Variants in WASL observed in about 807,000 individuals in gnomAD.
WASL encodes the protein actin nucleation-promoting factor WASL.
WASL carries 20 observed loss-of-function variants against 55.5 expected under a neutral mutation model. The ratio of observed to expected loss-of-function variants is 0.36; its 90% CI spans 0.25 to 0.52. The LOEUF (loss-of-function observed/expected upper bound fraction) is 0.52, where lower values mean the gene tolerates loss of function less well. WASL is among the 20% of genes least tolerant of loss of function. The pLI is 0.92. For missense variants in WASL, 504 were observed against 622.5 expected, an observed-to-expected ratio of 0.81 and a Z score of 2.03; for synonymous variants, 249 against 217.6, an observed-to-expected ratio of 1.14 and a Z score of -1.27.
At chr7:123,715,488 C>G (rs1185288231) in intron 1 of WASL, among the ~76,000 whole-genome samples, 1 of 152,162 alleles carries the variant, frequency 6.6e-6, no homozygotes. Context: ...CAACAGATAA[C>G]AGATGTAGGG....
chr7:123,743,759 T>C (rs1233041946), intron 1 of WASL, among the ~76,000 whole-genome samples: 5 of 152,188 alleles, frequency 3.3e-5, no homozygotes, highest in Admixed American at 3.3e-4. Context: ...CTCTTTGAAA[T>C]CCTTGACTAA....
chr7:123,691,603 C>CATACT lies in WASL; in HGVS notation c.1347+739_1347+743dup, dbSNP rs369072690. Among the ~76,000 whole-genome samples the CATACT allele has an allele frequency of 6.3e-3, 958 of 152,236 alleles. 9 individuals carry two copies. The highest frequency in any genetic ancestry group is 0.021 in the African/African-American group (887 of 41,536). ...GCAGAGCTGAGTGGTCACAAGAGGC[C>CATACT]ATACTGCCTATATAAGCCCAAGGTT... On this transcript the variant is annotated intron_variant, in intron 9 of 10. Transcript: ENST00000223023.
At chr7:123,717,441 A>C (rs758542348) in intron 1 of WASL, among the ~76,000 whole-genome samples, 10 of 152,188 alleles carry the variant, frequency 6.6e-5, no homozygotes, top group Admixed American at 1.3e-4. Flanking sequence ...TCAAGAATGC[A>C]CTATCTCTGT....
rs1159999120 is a variant in WASL, at chr7:123,684,441, A to C, written c.*78T>G. 3 of 485,994 alleles carry C rather than the reference A, an allele frequency of 6.2e-6. No homozygotes were observed. The highest frequency in any genetic ancestry group is 6.1e-5 in the African/African-American group (3 of 49,380). 30.1% of individuals were successfully genotyped at this position (485,994 alleles called of 1,614,324 possible). A position where few individuals can be genotyped will look rare whatever the true frequency, so the allele number is the denominator to read the frequency against. On this transcript the variant is annotated 3_prime_UTR_variant, in exon 11 of 11. Transcript: ENST00000223023. Reference sequence around the variant, plus strand: ...CAAATTGGTAGAACATTTACATGATAATTTTACAGAATCCACAGACAGAAA... The same window carrying C: ...CAAATTGGTAGAACATTTACATGATCATTTTACAGAATCCACAGACAGAAA...
chr7:123,710,178 C>A (rs773921535), intron 1 of WASL, among the ~76,000 whole-genome samples: 2 of 152,010 alleles, frequency 1.3e-5, no homozygotes, highest in Non-Finnish European at 2.9e-5. Context: ...AAAGCACTTA[C>A]AAATCCTCTG....
At chr7:123,717,534 G>A (rs1340884109) in intron 1 of WASL, among the ~76,000 whole-genome samples, 1 of 152,178 alleles carries the variant, frequency 6.6e-6, no homozygotes, top group East Asian at 1.9e-4. Flanking sequence ...CCAAGGATTT[G>A]CATGAGTGTT....
chr7:123,725,662 A>G (rs1457997176), intron 1 of WASL, among the ~76,000 whole-genome samples: 1 of 152,194 alleles, frequency 6.6e-6, no homozygotes, highest in Non-Finnish European at 1.5e-5. Context: ...CCTAGAAGGA[A>G]CTAAGTTCAT....
intron 1 of WASL, among the ~76,000 whole-genome samples, chr7:123,723,317 C>A (rs1348277170): frequency 6.6e-6 from 1 of 152,024 alleles, no homozygotes; most frequent in Non-Finnish European, 1.5e-5. Flanking sequence ...CTGAAAAAAG[C>A]CCAGGCTTCC....
intron 1 of WASL, among the ~76,000 whole-genome samples, chr7:123,744,466 T>C (rs1275136194): frequency 2.0e-5 from 3 of 152,062 alleles, no homozygotes; most frequent in Admixed American, 6.5e-5. Context: ...GAATTATATA[T>C]AGTGAGGAAA....
At chr7:123,709,308 C>G in intron 1 of WASL, 85 bp from the exon 2 acceptor site, 2 of 1,132,834 alleles carry the variant, frequency 1.8e-6, no homozygotes, top group African/African-American at 3.2e-5. Context: ...ACCGCAACCA[C>G]CCAGCTAAGC....
chr7:123,709,178 A>G lies in WASL; in HGVS notation c.163T>C (p.Cys55Arg). 6.2e-7 allele frequency: 1 copy of G among 1,612,678 alleles called. No homozygotes were observed. Among genetic ancestry groups the G allele is most frequent in the Non-Finnish European group, 8.5e-7 (1 of 1,179,084 alleles). The stretch of plus-strand genomic sequence containing the variant: ...CCACTGCACTTCTTTGACCACATAC[A>G]GTTCCGATCTGCTGCATATAACTGC... ...VVQLYAADRNCMWSKKCSGVA... is the reference protein window; with the variant it reads ...VVQLYAADRNRMWSKKCSGVA... Residue 55 changes from cysteine to arginine, a missense_variant, in exon 2 of 11, where the codon TGT (cysteine) becomes CGT (arginine). Physicochemically the swap from Cys to Arg is radical, Grantham distance 180 (BLOSUM62 -3). Around this residue, in one of 5 missense-constraint regions of WASL, gnomAD observed 230 missense variants for 271.9 expected, o/e 0.85. Coordinates refer to ENST00000223023, the MANE Select transcript of WASL (RefSeq NM_003941.4).
intron 7 of WASL, 76 bp from the exon 8 acceptor site, chr7:123,694,944 C>A: frequency 6.8e-7 from 1 of 1,460,104 alleles, no homozygotes; most frequent in Non-Finnish European, 9.2e-7. Flanking sequence ...TCATCTGTGT[C>A]CTTCTGAAAT....
At chr7:123,706,633 A>C in intron 3 of WASL, 107 bp downstream of exon 3, 1 of 950,956 alleles carries the variant, frequency 1.1e-6, no homozygotes, top group South Asian at 1.6e-5. Context: ...AAAAAATAAA[A>C]TAGCAAATTG....
chr7:123,687,191 ATAAT>A (rs988018747), intron 10 of WASL, among the ~76,000 whole-genome samples: 4 of 152,148 alleles, frequency 2.6e-5, no homozygotes, highest in Non-Finnish European at 1.5e-5. Context: ...CATTCAAAAT[ATAAT>A]TAATATTTAA....
chr7:123,748,317 G>C (rs1804474925), intron 1 of WASL, among the ~76,000 whole-genome samples: 1 of 152,172 alleles, frequency 6.6e-6, no homozygotes, highest in African/African-American at 2.4e-5. Flanking sequence ...CTTGTGGCCT[G>C]AGAATAAAGT....
At chr7:123,695,209 A>T (rs1803472281) in intron 7 of WASL, among the ~76,000 whole-genome samples, 1 of 152,164 alleles carries the variant, frequency 6.6e-6, no homozygotes. Flanking sequence ...TTAATTTGAA[A>T]ATCTGAGAGC....
chr7:123,704,513 T>G (rs1803637417), intron 5 of WASL, 121 bp downstream of exon 5: 1 of 741,236 alleles, frequency 1.3e-6, no homozygotes, highest in Non-Finnish European at 2.1e-6. Flanking sequence ...GTATGGTACA[T>G]GTTTCCACAA....
intron 10 of WASL, among the ~76,000 whole-genome samples, chr7:123,685,867 AATATATAAAT>A (rs1056792669): frequency 7.2e-6 from 1 of 138,634 alleles, no homozygotes; most frequent in African/African-American, 2.9e-5. Context: ...CCTATATATA[AATATATAAAT>A]ATATATAAAT....
In WASL at chr7:123,706,295, G is replaced by A. The variant is rs1803667747; in HGVS notation, c.418C>T (p.Arg140Cys). Residue 140 changes from arginine (R) to cysteine (C), a missense_variant, in exon 4 of 11, where the codon CGT (arginine) becomes TGT (cysteine). By Grantham distance (180) the Arg-to-Cys change is radical (BLOSUM62 -3). This residue lies in a region of WASL where 230 missense variants were observed against 271.9 expected (regional missense o/e 0.85). Transcript: ENST00000223023. ...FRKAVTDLLG[R>C]RQRKSEKRRD... is the part of the protein sequence containing the mutation. ...GGGTTACCAGATTTCCTTTGTCGAC[G>A]GCCCAAAAGGTCTGTAACTGCTTTT... 2.5e-6 allele frequency: 4 copies of A among 1,613,132 alleles called. No homozygotes were observed. The highest frequency in any genetic ancestry group is 2.5e-6 in the Non-Finnish European group (3 of 1,179,588).
Sources: allele counts gnomAD v4.1 joint callset (sites outside exome capture counted in the v4.1 genomes callset), GRCh38; gene constraint gnomAD v4.1.1; regional missense constraint gnomAD v4.1.1; transcripts MANE v1.5; gene names NCBI Gene and HGNC (gene_info 2026-07-23, HGNC 2026-07-21).